CEP72: variants seen among roughly 807,000 people sequenced by gnomAD.
CEP72 encodes the protein centrosomal protein 72.
CEP72 carries 78 observed loss-of-function variants against 65.7 expected under a neutral mutation model. The ratio of observed to expected loss-of-function variants is 1.19; its 90% CI spans 0.99 to 1.43. CEP72 has a LOEUF of 1.43. Ranked by LOEUF, CEP72 falls within the 40% of genes most tolerant of loss-of-function variation. The pLI is 0.00. For synonymous variants in CEP72, 358 were observed against 351.7 expected, an observed-to-expected ratio of 1.02 and a Z score of -0.20; for missense variants, 914 against 832.9, an observed-to-expected ratio of 1.10 and a Z score of -1.20.
intron 2 of CEP72, chr5:664,869 G>A: frequency 1.8e-6 from 1 of 555,988 alleles, no homozygotes. Flanking sequence ...GGACGAGGCA[G>A]GTGTATTAGG....
At chr5:653,846 A>G (rs771248768), downstream of CEP72, among the ~76,000 whole-genome samples, 1 of 152,224 alleles carries the variant, frequency 6.6e-6, no homozygotes, top group Non-Finnish European at 1.5e-5. Flanking sequence ...GAAACTTCAT[A>G]TCTTATGTCA....
chr5:671,449 A>G (rs988943959), downstream of CEP72, among the ~76,000 whole-genome samples: 2 of 152,074 alleles, frequency 1.3e-5, no homozygotes, highest in Non-Finnish European at 2.9e-5. Flanking sequence ...TGTGCACCTG[A>G]AGTCAGTTTC....
chr5:649,938 T>TG (rs1239409559), intron 11 of CEP72, among the ~76,000 whole-genome samples: 10 of 60,202 alleles, frequency 1.7e-4, no homozygotes, highest in Admixed American at 1.9e-4. Context: ...CTGTGAGGCG[T>TG]GACTGTGAGG....
intron 1 of CEP72, chr5:663,278 T>G (rs1416143981): frequency 6.6e-6 from 1 of 152,488 alleles, no homozygotes; most frequent in African/African-American, 2.4e-5. Context: ...AGTTCTGCCT[T>G]TCACACGCGG....
rs753239188 is a variant in CEP72 at position 633,994 on chromosome 5, G to C, written c.691+47G>C. 11 of 1,575,564 alleles carry C rather than the reference G, an allele frequency of 7.0e-6. No individual in the cohort carries two copies. The African/African-American group carries it at 1.3e-4, about 19-fold the overall frequency. On this transcript the variant is annotated intron_variant, in intron 5 of 11. Coordinates refer to ENST00000264935, the MANE Select transcript of CEP72 (RefSeq NM_018140.4). ...AGGCCAGTGGGTCCGCTGGCTCTGG[G>C]ATATATATAGTCGTTACTGGGCTTG...
chr5:640,921 T>C, intron 9 of CEP72: 1 of 985,382 alleles, frequency 1.0e-6, no homozygotes, highest in Non-Finnish European at 1.2e-6. Context: ...TGCTGACCCA[T>C]CTCTCAGGGC....
intron 4 of CEP72, among the ~76,000 whole-genome samples, chr5:628,541 A>G (rs1736927906): frequency 6.8e-6 from 1 of 147,332 alleles, no homozygotes. Context: ...CTTCTGGAGA[A>G]CTCAGGTTGC....
chr5:634,052 C>T lies in CEP72; in HGVS notation c.691+105C>T, dbSNP rs557897252. The stretch of plus-strand genomic sequence containing the variant: ...CAGTTGCTCTTTTTGTGGAACTTAC[C>T]TTGAAGGATAGGATCTTCATGATGT... On this transcript the variant is annotated intron_variant, in intron 5 of 11. Transcript: ENST00000264935. 3 of 1,006,562 alleles carry T rather than the reference C, an allele frequency of 3.0e-6. No homozygotes were observed. In the African/African-American group the frequency reaches 4.8e-5, roughly 16 times the overall value. The allele number at this position is 1,006,562 out of a possible 1,614,324, so 62.4% of individuals were successfully genotyped here.
chr5:651,383 G>C (rs1018963260), intron 11 of CEP72, among the ~76,000 whole-genome samples: 1 of 151,924 alleles, frequency 6.6e-6, no homozygotes, highest in Non-Finnish European at 1.5e-5. Flanking sequence ...TTGTGAATGT[G>C]AGGTGTGGAC....
rs144571208 is a variant in CEP72, at chr5:636,098, G to A, written c.904+514G>A. On this transcript the variant is annotated intron_variant, in intron 6 of 11. Transcript: ENST00000264935. ...AGTTTCCAGCTTAGGAACTTTGGGG[G>A]GTTCCTTCGAACTACAGCAACATGA... 3.3e-5 allele frequency among the ~76,000 whole-genome samples: 5 copies of A among 152,352 alleles called. No individual in the cohort carries two copies. The South Asian group carries it at 1.0e-3, about 32-fold the overall frequency.
At position 621,812 on chromosome 5, in the gene CEP72, C is replaced by T. The variant is rs148558947; in HGVS notation, c.403+1551C>T. Among the ~76,000 whole-genome samples, 388 of 152,348 alleles carry T rather than the reference C, an allele frequency of 2.5e-3. 1 individual carries two copies. The highest frequency in any genetic ancestry group is 9.0e-3 in the African/African-American group (375 of 41,582). Reference sequence around the variant, plus strand: ...TTTTTGAGACATAGTCTCGCTTCATCGCCCAGGCTGGAGTGCAGTGGCGTG... The same window carrying T: ...TTTTTGAGACATAGTCTCGCTTCATTGCCCAGGCTGGAGTGCAGTGGCGTG... On this transcript the variant is annotated intron_variant, in intron 3 of 11. Transcript: ENST00000264935.
chr5:643,814 G>C (rs769813565), intron 9 of CEP72: 18 of 226,802 alleles, frequency 7.9e-5, no homozygotes, highest in Admixed American at 1.3e-4. Flanking sequence ...ATGACAGCTC[G>C]TCCTGTGCTC....
At chr5:621,812 C>A (rs148558947) in intron 3 of CEP72, among the ~76,000 whole-genome samples, 1 of 152,234 alleles carries the variant, frequency 6.6e-6, no homozygotes, top group Non-Finnish European at 1.5e-5. Context: ...CTCGCTTCAT[C>A]GCCCAGGCTG....
intron 10 of CEP72, among the ~76,000 whole-genome samples, chr5:644,666 C>T (rs982300343): frequency 6.6e-6 from 1 of 152,166 alleles, no homozygotes; most frequent in Non-Finnish European, 1.5e-5. Context: ...CCCCTGTCCT[C>T]ACCCTGCCCG....
At chr5:627,604 A>C (rs1450327592) in intron 4 of CEP72, among the ~76,000 whole-genome samples, 4 of 152,044 alleles carry the variant, frequency 2.6e-5, no homozygotes, top group Non-Finnish European at 5.9e-5. Context: ...TTTTTTATAT[A>C]GTTGTTTTTT....
At chr5:671,342 C>G (rs1431557016), downstream of CEP72, among the ~76,000 whole-genome samples, 1 of 152,062 alleles carries the variant, frequency 6.6e-6, no homozygotes, top group East Asian at 1.9e-4. Context: ...CCCAGAGGGA[C>G]CCCGGGCAGA....
At chr5:642,308 C>T (rs1738106735) in intron 9 of CEP72, 11 of 984,170 alleles carry the variant, frequency 1.1e-5, no homozygotes, top group Non-Finnish European at 1.3e-5. Context: ...ACACACATGG[C>T]CCCTCATCTG....
chr5:674,096 C>G, the CEP72 span, among the ~76,000 whole-genome samples: 1 of 152,264 alleles, frequency 6.6e-6, no homozygotes, highest in Non-Finnish European at 1.5e-5. Flanking sequence ...GCTGACGGCC[C>G]CTGGACAGGC....
intron 4 of CEP72, among the ~76,000 whole-genome samples, chr5:629,463 C>T (rs1348392319): frequency 9.4e-5 from 13 of 137,804 alleles, no homozygotes; most frequent in South Asian, 4.6e-4. Flanking sequence ...GGGATTTGAC[C>T]CAGTCCTGGT....
Sources: allele counts gnomAD v4.1 joint callset (sites outside exome capture counted in the v4.1 genomes callset), GRCh38; gene constraint gnomAD v4.1.1; transcripts MANE v1.5; gene names NCBI Gene and HGNC (gene_info 2026-07-23, HGNC 2026-07-21).